Variants in KCTD16 observed in about 807,000 individuals in gnomAD.
KCTD16 encodes the protein potassium channel tetramerization domain containing 16.
A neutral mutation model predicts 33.2 loss-of-function variants in KCTD16; 13 were observed. That is an observed-to-expected ratio of 0.39 (90% CI 0.25 to 0.62). The LOEUF is 0.62. KCTD16 is among the 20% of genes least tolerant of loss of function. The pLI, the probability that KCTD16 is intolerant of heterozygous loss-of-function variation, is 0.50. For synonymous variants in KCTD16, 197 were observed against 195.3 expected (o/e 1.01, Z -0.07); for missense variants, 441 against 525.1 (o/e 0.84, Z 1.57).
chr5:144,407,030 A>T (rs1245177430), intron 3 of KCTD16, among the ~76,000 whole-genome samples: 1 of 152,100 alleles, frequency 6.6e-6, no homozygotes, highest in Admixed American at 6.5e-5. Flanking sequence ...GATGAGAGGA[A>T]CAAACAAGAA....
chr5:144,268,770 G>A (rs1050925325), intron 3 of KCTD16, among the ~76,000 whole-genome samples: 12 of 151,996 alleles, frequency 7.9e-5, no homozygotes, highest in Admixed American at 5.2e-4. Context: ...AGACCTAATG[G>A]CAGTTCTATT....
At chr5:144,467,026 A>T (rs1303224255) in intron 3 of KCTD16, among the ~76,000 whole-genome samples, 1 of 123,446 alleles carries the variant, frequency 8.1e-6, no homozygotes, top group Non-Finnish European at 1.7e-5. Context: ...TATATATAAC[A>T]CTATATATTA....
At chr5:144,171,621 A>G (rs1287827840) in intron 1 of KCTD16, among the ~76,000 whole-genome samples, 1 of 152,188 alleles carries the variant, frequency 6.6e-6, no homozygotes, top group African/African-American at 2.4e-5. Context: ...AAATCTCTCC[A>G]GACATTGCCA....
intron 1 of KCTD16, among the ~76,000 whole-genome samples, chr5:144,174,099 T>C (rs1752450791): frequency 6.6e-6 from 1 of 151,998 alleles, no homozygotes; most frequent in Non-Finnish European, 1.5e-5. Flanking sequence ...GCGCAGTCCT[T>C]CCCTGGGACC....
Position 144,229,421 on chromosome 5 carries a change from A to G in KCTD16, c.832+21875A>G, listed in dbSNP as rs556948001. Among the ~76,000 whole-genome samples, 5 of 152,346 alleles carry G rather than the reference A, an allele frequency of 3.3e-5. 1 individual carries two copies. Among genetic ancestry groups the G allele is most frequent in the African/African-American group, 1.2e-4 (5 of 41,592 alleles). ...TTGAAGTTGAGCTTATGGAGGGTCA[A>G]TGAATGAATAATGACACACTCAGGG... On this transcript the variant is annotated intron_variant, in intron 3 of 3. Coordinates refer to ENST00000512467, the MANE Select transcript of KCTD16 (RefSeq NM_020768.4).
intron 2 of KCTD16, among the ~76,000 whole-genome samples, chr5:144,202,341 C>T (rs1580783933): frequency 6.6e-6 from 1 of 152,238 alleles, no homozygotes; most frequent in Non-Finnish European, 1.5e-5. Context: ...GCCGGGCTTA[C>T]CGACAACTTC....
intron 3 of KCTD16, among the ~76,000 whole-genome samples, chr5:144,348,619 C>T (rs1482960021): frequency 2.0e-5 from 3 of 152,148 alleles, no homozygotes; most frequent in Admixed American, 2.0e-4. Flanking sequence ...CTCATTTTTC[C>T]GTGCTCACTC....
At chr5:144,233,389 A>G (rs1276896475) in intron 3 of KCTD16, among the ~76,000 whole-genome samples, 1 of 152,072 alleles carries the variant, frequency 6.6e-6, no homozygotes, top group Non-Finnish European at 1.5e-5. Flanking sequence ...TGATACCATC[A>G]AGGTCAACTC....
intron 3 of KCTD16, among the ~76,000 whole-genome samples, chr5:144,347,540 A>G (rs570552402): frequency 6.6e-6 from 1 of 152,160 alleles, no homozygotes; most frequent in African/African-American, 2.4e-5. Context: ...AGTTGCAGTG[A>G]GCCGAGATCG....
intron 3 of KCTD16, among the ~76,000 whole-genome samples, chr5:144,316,652 A>G (rs1027405254): frequency 3.3e-5 from 5 of 151,048 alleles, no homozygotes; most frequent in African/African-American, 1.2e-4. Context: ...AGCTGGGATT[A>G]TAGGTGCCTG....
At chr5:144,386,260 T>G (rs2126934887) in intron 3 of KCTD16, among the ~76,000 whole-genome samples, 1 of 152,326 alleles carries the variant, frequency 6.6e-6, no homozygotes, top group South Asian at 2.1e-4. Flanking sequence ...ACTTCATGCC[T>G]TCCGAATGGC....
chr5:144,341,619 G>T (rs530303951), intron 3 of KCTD16, among the ~76,000 whole-genome samples: 1 of 152,234 alleles, frequency 6.6e-6, no homozygotes, highest in South Asian at 2.1e-4. Context: ...GTTGGTTTTT[G>T]ATTTTAAAAA....
chr5:144,305,845 A>T (rs1048646023), intron 3 of KCTD16, among the ~76,000 whole-genome samples: 3 of 152,226 alleles, frequency 2.0e-5, no homozygotes, highest in South Asian at 4.1e-4. Flanking sequence ...AAATAAATAA[A>T]AAATAAGAAG....
intron 3 of KCTD16, among the ~76,000 whole-genome samples, chr5:144,469,487 C>T (rs1751088946): frequency 6.6e-6 from 1 of 152,144 alleles, no homozygotes. Context: ...TGATTTGTTT[C>T]CCTTATATGG....
chr5:144,439,703 T>TG (rs1404512290), intron 3 of KCTD16, among the ~76,000 whole-genome samples: 4 of 152,024 alleles, frequency 2.6e-5, no homozygotes, highest in African/African-American at 9.7e-5. Flanking sequence ...CTCAGCTGAG[T>TG]GTGACCCCAG....
At chr5:144,312,755 G>T (rs576661200) in intron 3 of KCTD16, among the ~76,000 whole-genome samples, 2 of 152,292 alleles carry the variant, frequency 1.3e-5, no homozygotes, top group African/African-American at 2.4e-5. Context: ...ACTGGAAAAG[G>T]GTGTGAAGGG....
In KCTD16 at chr5:144,243,064, T is replaced by C. The variant is rs180815204; in HGVS notation, c.832+35518T>C. 1.6e-4 allele frequency among the ~76,000 whole-genome samples: 25 copies of C among 152,354 alleles called. 1 individual carries two copies. Among genetic ancestry groups the C allele is most frequent in the Admixed American group, 7.2e-4 (11 of 15,300 alleles). ...TATTACATTTAATATTTTATTTCCT[T>C]AGGCTCCTTTGGCTGATGTTTTCTC... On this transcript the variant is annotated intron_variant, in intron 3 of 3. Coordinates refer to ENST00000512467, the MANE Select transcript of KCTD16 (RefSeq NM_020768.4).
chr5:144,268,726 A>G (rs1580833440), intron 3 of KCTD16, among the ~76,000 whole-genome samples: 2 of 152,264 alleles, frequency 1.3e-5, no homozygotes, highest in South Asian at 4.1e-4. Context: ...CATTCAAAGG[A>G]AAAAAATTAA....
intron 3 of KCTD16, among the ~76,000 whole-genome samples, chr5:144,259,257 C>CAAAAAAA (rs1166248798): frequency 4.1e-5 from 2 of 48,414 alleles, no homozygotes; most frequent in Non-Finnish European, 4.0e-5. Flanking sequence ...GACTCCATCT[C>CAAAAAAA]AAAAAAAAAA....
Sources: gnomAD v4.1 joint callset for allele counts (sites outside exome capture counted in the v4.1 genomes callset) on GRCh38, gnomAD v4.1.1 for gene constraint, MANE v1.5 for transcripts, NCBI Gene and HGNC (gene_info 2026-07-23, HGNC 2026-07-21) for gene names.